Variants in FRMD5 observed in about 807,000 individuals in gnomAD.
FRMD5 encodes FERM domain containing 5.
In FRMD5, 20 loss-of-function variants were observed where a neutral mutation model predicts 69.0. The observed-to-expected ratio is 0.29, with a 90% CI of 0.20 to 0.42. The LOEUF (loss-of-function observed/expected upper bound fraction) is 0.42. FRMD5 is among the 10% of genes least tolerant of loss of function. The pLI is 1.00. For synonymous variants in FRMD5, 271 were observed against 260.1 expected (o/e 1.04, Z -0.40); for missense variants, 595 against 708.6 (o/e 0.84, Z 1.82).
intron 1 of FRMD5, among the ~76,000 whole-genome samples, chr15:44,080,423 A>C (rs1162333750): frequency 2.0e-5 from 3 of 152,104 alleles, no homozygotes; most frequent in Non-Finnish European, 4.4e-5. Flanking sequence ...AAAACACTCC[A>C]TTTTTGTATG....
chr15:44,012,709 C>T (rs772763272), intron 1 of FRMD5, among the ~76,000 whole-genome samples: 4 of 147,566 alleles, frequency 2.7e-5, no homozygotes, highest in Non-Finnish European at 6.0e-5. Context: ...CTGGGTTTAA[C>T]ATAATCTTTT....
At chr15:43,925,003 CTT>C (rs58833260) in intron 1 of FRMD5, among the ~76,000 whole-genome samples, 11 of 128,996 alleles carry the variant, frequency 8.5e-5, no homozygotes, top group East Asian at 2.3e-4. Context: ...CTTGTATATC[CTT>C]TTTTTTTTTT....
At chr15:44,153,707 G>A (rs761125254) in intron 1 of FRMD5, among the ~76,000 whole-genome samples, 51 of 152,192 alleles carry the variant, frequency 3.4e-4, no homozygotes, top group Admixed American at 1.4e-3. Context: ...GGTGGCTCAC[G>A]CCCATAATCC....
At chr15:43,961,231 G>A (rs552974532) in intron 1 of FRMD5, among the ~76,000 whole-genome samples, 3 of 152,236 alleles carry the variant, frequency 2.0e-5, no homozygotes, top group South Asian at 2.1e-4. Flanking sequence ...TATCACCACC[G>A]ATCTCACAGA....
At chr15:44,053,133 AACTT>A (rs1198166813) in intron 1 of FRMD5, among the ~76,000 whole-genome samples, 1 of 152,144 alleles carries the variant, frequency 6.6e-6, no homozygotes, top group Non-Finnish European at 1.5e-5. Context: ...GGAGGTAACT[AACTT>A]AGAGCATGAA....
At chr15:44,136,880 C>T (rs1020719186) in intron 1 of FRMD5, among the ~76,000 whole-genome samples, 9 of 152,100 alleles carry the variant, frequency 5.9e-5, no homozygotes, top group African/African-American at 2.2e-4. Flanking sequence ...TTTGAGGTCA[C>T]ACACCCCAAC....
At chr15:44,027,224 A>T (rs1891466866) in intron 1 of FRMD5, among the ~76,000 whole-genome samples, 1 of 152,078 alleles carries the variant, frequency 6.6e-6, no homozygotes, top group Non-Finnish European at 1.5e-5. Context: ...CTATCCTTTA[A>T]TTACTAATTT....
chr15:43,876,009 C>T, intron 13 of FRMD5: 3 of 1,289,994 alleles, frequency 2.3e-6, no homozygotes, highest in South Asian at 1.2e-5. Context: ...CAAGACGCCC[C>T]CTTGCCTGGC....
intron 1 of FRMD5, among the ~76,000 whole-genome samples, chr15:44,074,049 C>T (rs1289086177): frequency 6.6e-6 from 1 of 152,132 alleles, no homozygotes; most frequent in Non-Finnish European, 1.5e-5. Flanking sequence ...AAGCCCTATC[C>T]TATATATCCA....
intron 7 of FRMD5, among the ~76,000 whole-genome samples, chr15:43,897,917 C>G (rs952761065): frequency 2.0e-5 from 3 of 151,610 alleles, no homozygotes; most frequent in East Asian, 3.9e-4. Context: ...CATCTCCCCC[C>G]TCATTCTCTC....
chr15:44,012,101 A>C lies in FRMD5; in HGVS notation c.103-87792T>G, dbSNP rs1252093090. 2.0e-5 allele frequency among the ~76,000 whole-genome samples: 3 copies of C among 152,322 alleles called. No homozygotes were observed. In the East Asian group the frequency reaches 5.8e-4, roughly 29 times the overall value. On this transcript the variant is annotated intron_variant, in intron 1 of 13. Coordinates refer to ENST00000417257, the MANE Select transcript of FRMD5 (RefSeq NM_032892.5). Reference sequence around the variant, plus strand: ...GCAAATTTCTAAAGACCTTCATTTTAAGGATTCAGCAGATACTGACAAATA... The same window carrying C: ...GCAAATTTCTAAAGACCTTCATTTTCAGGATTCAGCAGATACTGACAAATA...
intron 1 of FRMD5, among the ~76,000 whole-genome samples, chr15:43,931,686 G>A (rs1468283525): frequency 1.3e-5 from 2 of 151,954 alleles, no homozygotes; most frequent in African/African-American, 4.8e-5. Flanking sequence ...GGAGAAATAT[G>A]ATAAACTCAC....
At chr15:44,191,938 A>G (rs535294279) in intron 1 of FRMD5, among the ~76,000 whole-genome samples, 43 of 125,868 alleles carry the variant, frequency 3.4e-4, no homozygotes, top group Middle Eastern at 8.9e-3. Flanking sequence ...ATATATATAT[A>G]TATGTATCTC....
At chr15:43,999,967 T>TATATAACATGC (rs1890129519) in intron 1 of FRMD5, among the ~76,000 whole-genome samples, 1 of 42,024 alleles carries the variant, frequency 2.4e-5, no homozygotes, top group Admixed American at 3.2e-4. Context: ...TATATATATA[T>TATATAACATGC]ATATATATAT....
At chr15:43,948,871 C>A (rs187669404) in intron 1 of FRMD5, among the ~76,000 whole-genome samples, 15 of 152,270 alleles carry the variant, frequency 9.9e-5, no homozygotes, top group African/African-American at 3.6e-4. Flanking sequence ...TTCTAAGAAC[C>A]TTGATGGGTT....
intron 1 of FRMD5, among the ~76,000 whole-genome samples, chr15:44,007,923 C>T (rs1315360127): frequency 2.0e-5 from 3 of 151,950 alleles, no homozygotes; most frequent in Non-Finnish European, 2.9e-5. Flanking sequence ...GGATCACAGG[C>T]GTGAGCCACT....
Position 43,963,826 on chromosome 15 carries a change from C to T in FRMD5, c.103-39517G>A, listed in dbSNP as rs538520319. 2.4e-4 allele frequency among the ~76,000 whole-genome samples: 37 copies of T among 152,086 alleles called. No individual in the cohort carries two copies. In the South Asian group the frequency reaches 2.5e-3, roughly 10 times the overall value. On this transcript the variant is annotated intron_variant, in intron 1 of 13. Transcript: ENST00000417257. ...CAAGGACAAAAAACCAAACACCAGA[C>T]GTTCTCACTCACAGGTGGGAATTGA...
chr15:44,047,691 T>A (rs1448836040), intron 1 of FRMD5, among the ~76,000 whole-genome samples: 3 of 152,198 alleles, frequency 2.0e-5, no homozygotes, highest in Non-Finnish European at 4.4e-5. Context: ...AGAAACCCTG[T>A]ATCCATTAGC....
At chr15:43,994,198 G>C (rs181889393) in intron 1 of FRMD5, among the ~76,000 whole-genome samples, 3 of 151,870 alleles carry the variant, frequency 2.0e-5, no homozygotes, top group East Asian at 3.9e-4. Context: ...ATTTTCTCTA[G>C]TGTTAGGCTT....
Sources: allele counts gnomAD v4.1 joint callset (sites outside exome capture counted in the v4.1 genomes callset), GRCh38; gene constraint gnomAD v4.1.1; transcripts MANE v1.5; gene names NCBI Gene and HGNC (gene_info 2026-07-23, HGNC 2026-07-21).